FGF13: variants seen among roughly 807,000 people sequenced by gnomAD.
FGF13 encodes fibroblast growth factor 13, also known as fibroblast growth factor homologous factor 2.
Under a neutral mutation model 19.5 loss-of-function variants are expected in FGF13, and 2 were observed. The observed-to-expected ratio is 0.10, with a 90% CI of 0.04 to 0.32. The LOEUF is 0.32. FGF13 is among the 10% of genes least tolerant of loss of function. FGF13 has a pLI of 1.00. For missense variants in FGF13, 113 were observed against 192.7 expected (o/e 0.59, Z 2.45); for synonymous variants, 72 against 76.9 (o/e 0.94, Z 0.33).
chrX:139,028,610 TGTGTGTGAGAGAGAGAGAGAGAGA>T (rs2092210850), intron 1 of FGF13, among the ~76,000 whole-genome samples: 1 of 52,742 alleles, frequency 1.9e-5, no homozygotes, highest in African/African-American at 8.1e-5. Flanking sequence ...TGTGTGTGTG[TGTGTGTGAGAGAGAGAGAGAGAGA>T]GTGTGTGTGT....
intron 1 of FGF13, among the ~76,000 whole-genome samples, chrX:138,927,187 T>C (rs1186462454): frequency 9.0e-6 from 1 of 111,597 alleles, no homozygotes; most frequent in Non-Finnish European, 1.9e-5. Context: ...TCAAAAACAA[T>C]GTGTTAAATG....
intron 1 of FGF13, among the ~76,000 whole-genome samples, chrX:138,912,316 T>A (rs1050587463): frequency 9.0e-6 from 1 of 110,605 alleles, no homozygotes; most frequent in African/African-American, 3.3e-5. Context: ...GCATTCAGCA[T>A]GCTAAAAAAG....
chrX:139,152,380 A>G (rs1332215901), intron 1 of FGF13, among the ~76,000 whole-genome samples: 1 of 104,779 alleles, frequency 9.5e-6, no homozygotes, highest in East Asian at 2.9e-4. Flanking sequence ...TGGGCCCAGC[A>G]CACAGGTGCA....
intron 1 of FGF13, among the ~76,000 whole-genome samples, chrX:138,978,547 C>A (rs983244797): frequency 8.9e-6 from 1 of 112,394 alleles, no homozygotes; most frequent in African/African-American, 3.2e-5. Context: ...CAGGCGCGAG[C>A]CACCGCGCCC....
intron 1 of FGF13, among the ~76,000 whole-genome samples, chrX:138,920,418 T>C (rs1321656167): frequency 1.8e-5 from 2 of 111,427 alleles, no homozygotes; most frequent in African/African-American, 6.5e-5. Context: ...TATGAATTTA[T>C]GATAATGATG....
intron 3 of FGF13, among the ~76,000 whole-genome samples, chrX:138,751,000 A>G (rs1234286059): frequency 1.8e-5 from 2 of 110,920 alleles, no homozygotes; most frequent in Non-Finnish European, 3.8e-5. Context: ...TATCACACAA[A>G]CCAAGGAAGG....
chrX:139,202,700 G>A (rs978563011), intron 1 of FGF13, among the ~76,000 whole-genome samples: 11 of 111,510 alleles, frequency 9.9e-5, no homozygotes, highest in African/African-American at 3.6e-4. Context: ...AGAATCTCCC[G>A]GGAAAGAAAG....
chrX:138,951,543 A>G (rs1378904817), intron 1 of FGF13, among the ~76,000 whole-genome samples: 3 of 111,904 alleles, frequency 2.7e-5, no homozygotes, highest in Non-Finnish European at 5.6e-5. Context: ...ATGATACAAT[A>G]AGAATACAAA....
chrX:138,840,356 G>A (rs2091142351), intron 3 of FGF13, among the ~76,000 whole-genome samples: 2 of 111,585 alleles, frequency 1.8e-5, no homozygotes, highest in South Asian at 3.8e-4. Flanking sequence ...TCCCGCCATG[G>A]TACCTAATGC....
intron 1 of FGF13, among the ~76,000 whole-genome samples, chrX:139,102,244 G>A (rs777835005): frequency 1.5e-4 from 17 of 111,684 alleles, no homozygotes; most frequent in South Asian, 3.8e-4. Flanking sequence ...TAACATCCCT[G>A]CTTTATTACT....
At chrX:138,640,771 A>G (rs767044269) in intron 3 of FGF13, among the ~76,000 whole-genome samples, 1 of 112,036 alleles carries the variant, frequency 8.9e-6, no homozygotes, top group East Asian at 2.8e-4. Flanking sequence ...TAATTTGGCA[A>G]ACATAGGCCT....
upstream of FGF13, chrX:139,203,961 C>G (rs1388125326): frequency 2.1e-6 from 2 of 936,584 alleles, no homozygotes; most frequent in East Asian, 3.1e-5. Context: ...GCTTAGGCTC[C>G]GGGAAGGAGG....
At chrX:138,836,079 T>A (rs1468355727) in intron 3 of FGF13, among the ~76,000 whole-genome samples, 1 of 111,640 alleles carries the variant, frequency 9.0e-6, no homozygotes, top group African/African-American at 3.3e-5. Context: ...CCTCCCTTTT[T>A]AGGTGACCTG....
At chrX:138,879,671 C>G (rs779613900) in intron 1 of FGF13, among the ~76,000 whole-genome samples, 1 of 106,362 alleles carries the variant, frequency 9.4e-6, no homozygotes, top group African/African-American at 3.4e-5. Flanking sequence ...CCCCCACCCC[C>G]TGACAGTCCC....
intron 1 of FGF13, among the ~76,000 whole-genome samples, chrX:138,970,113 C>G (rs777438009): frequency 6.6e-4 from 74 of 111,483 alleles, no homozygotes; most frequent in African/African-American, 2.4e-3. Flanking sequence ...CACTTTACAT[C>G]CACCACGCCT....
chrX:138,694,591 C>T (rs1234976628), intron 3 of FGF13, among the ~76,000 whole-genome samples: 8 of 107,215 alleles, frequency 7.5e-5, no homozygotes, highest in Non-Finnish European at 1.5e-4. Flanking sequence ...GCTGGGACTA[C>T]AGGCGCCTGC....
chrX:138,754,750 C>G (rs1472400080), intron 3 of FGF13, among the ~76,000 whole-genome samples: 2 of 111,529 alleles, frequency 1.8e-5, no homozygotes, highest in Admixed American at 9.6e-5. Flanking sequence ...TTCTGGGCAT[C>G]TAGAATTTTG....
At chrX:139,162,093 C>A (rs926222944) in intron 1 of FGF13, among the ~76,000 whole-genome samples, 15 of 112,171 alleles carry the variant, frequency 1.3e-4, no homozygotes, top group Non-Finnish European at 2.6e-4. Flanking sequence ...ATAGGCAAGA[C>A]AATCCTAAGC....
intron 3 of FGF13, among the ~76,000 whole-genome samples, chrX:138,805,393 C>T (rs1174906857): frequency 8.9e-6 from 1 of 111,739 alleles, no homozygotes; most frequent in Non-Finnish European, 1.9e-5. Context: ...CATAAGCACA[C>T]CCATACTTTT....
Sources: allele counts gnomAD v4.1 joint callset (sites outside exome capture counted in the v4.1 genomes callset), GRCh38; gene constraint gnomAD v4.1.1; transcripts MANE v1.5; gene names NCBI Gene and HGNC (gene_info 2026-07-23, HGNC 2026-07-21).